TIAM2: variants seen among roughly 807,000 people sequenced by gnomAD.
TIAM2 encodes the protein rho guanine nucleotide exchange factor TIAM2.
A neutral mutation model predicts 152.9 loss-of-function variants in TIAM2; 80 were observed. The ratio of observed to expected loss-of-function variants is 0.52; its 90% CI spans 0.44 to 0.63. TIAM2 has a LOEUF of 0.63. TIAM2 is among the 30% of genes least tolerant of loss of function. The pLI is 0.00. For missense variants in TIAM2, 1,965 were observed against 2,120.1 expected (o/e 0.93, Z 1.44); for synonymous variants, 804 against 838.0 (o/e 0.96, Z 0.70).
At chr6:155,241,202 T>C (rs572746677) in intron 16 of TIAM2, among the ~76,000 whole-genome samples, 41 of 152,322 alleles carry the variant, frequency 2.7e-4, no homozygotes, top group South Asian at 1.2e-3. Flanking sequence ...CTTGCACCAT[T>C]ATGAAGGGGC....
chr6:155,017,784 T>C (rs1778621931), intron 1 of TIAM2, among the ~76,000 whole-genome samples: 2 of 152,058 alleles, frequency 1.3e-5, no homozygotes, highest in Admixed American at 1.3e-4. Flanking sequence ...ATTACAGGTG[T>C]GAGCCACCAC....
At chr6:155,140,332 G>A (rs1159250650) in intron 5 of TIAM2, among the ~76,000 whole-genome samples, 1 of 152,122 alleles carries the variant, frequency 6.6e-6, no homozygotes, top group East Asian at 1.9e-4. Context: ...GACTGTTTGT[G>A]AATCATAGTC....
chr6:155,044,347 C>T (rs1393937859), intron 1 of TIAM2, among the ~76,000 whole-genome samples: 4 of 152,214 alleles, frequency 2.6e-5, no homozygotes, highest in African/African-American at 7.2e-5. Context: ...TAGGACCATA[C>T]TGCAGAGTCC....
chr6:155,184,082 G>A (rs778306895), intron 14 of TIAM2, among the ~76,000 whole-genome samples: 5 of 151,946 alleles, frequency 3.3e-5, no homozygotes, highest in African/African-American at 4.8e-5. Context: ...TCTGTCTCCC[G>A]GGTTCAAGAG....
chr6:155,168,976 T>G (rs951441182), intron 9 of TIAM2: 6 of 1,404,416 alleles, frequency 4.3e-6, no homozygotes, highest in Middle Eastern at 1.8e-4. Context: ...AATGCTAACT[T>G]TTTCTGTTTT....
chr6:155,168,818 T>C (rs976073004), intron 9 of TIAM2: 1 of 1,525,070 alleles, frequency 6.6e-7, no homozygotes, highest in Non-Finnish European at 8.8e-7. Context: ...GCCATTTCAT[T>C]AGTCTTTTTC....
chr6:155,211,215 G>T lies in TIAM2; in HGVS notation c.3076G>T (p.Val1026Phe), dbSNP rs1291597125. Residue 1026 changes from valine (V) to phenylalanine (F), a missense_variant, in exon 15 of 27, where the codon GTC (valine) becomes TTC (phenylalanine). This residue lies in a region of TIAM2 where 935 missense variants were observed against 980.0 expected (regional missense o/e 0.95). Coordinates refer to ENST00000682666, the MANE Select transcript of TIAM2 (RefSeq NM_012454.4). ...KKNTANDFSN[V>F]PDITTGLKRS... ...CATTTTTTATGCAGATTTCAGCAAC[G>T]TCCCTGATATCACAACAGGTCTGAA... is the stretch of plus-strand genomic sequence containing the variant. 4 of 1,613,066 alleles carry T rather than the reference G, an allele frequency of 2.5e-6. No individual in the cohort carries two copies. Among genetic ancestry groups the T allele is most frequent in the Non-Finnish European group, 3.4e-6 (4 of 1,179,266 alleles).
At chr6:155,219,058 C>T (rs910213604) in intron 15 of TIAM2, among the ~76,000 whole-genome samples, 5 of 151,556 alleles carry the variant, frequency 3.3e-5, no homozygotes, top group Non-Finnish European at 5.9e-5. Flanking sequence ...GCCGCCCACC[C>T]GTGTTCTTGA....
Position 155,029,438 on chromosome 6 carries a change from T to TTATATATAGTATATATAATA in TIAM2, c.-209+33950_-209+33951insTATAGTATATATAATATATA, listed in dbSNP as rs1562295102. On this transcript the variant is annotated intron_variant, in intron 1 of 26. Transcript: ENST00000682666. ...TATACTATATATACTATAGTATATA[T>TTATATATAGTATATATAATA]TATACTATAGTATATATTATATATA... is the stretch of plus-strand genomic sequence containing the variant. 6.2e-5 allele frequency among the ~76,000 whole-genome samples: 2 copies of TTATATATAGTATATATAATA among 32,154 alleles called. 1 individual carries two copies. Among genetic ancestry groups the TTATATATAGTATATATAATA allele is most frequent in the South Asian group, 2.2e-3 (2 of 910 alleles). 21.1% of individuals were successfully genotyped at this position (32,154 alleles called of 152,430 possible).
In TIAM2 at chr6:155,148,246, T is replaced by C. The variant is rs756210590; in HGVS notation, c.1940T>C (p.Ile647Thr). ...KNQTKNLLQKIDMDSKMKKMA... is the reference protein window; with the variant it reads ...KNQTKNLLQKTDMDSKMKKMA... ...CAGACCAAAAACCTGCTTCAGAAGA[T>C]AGACATGGACAGCAAGATGAAGAAG... is the stretch of plus-strand genomic sequence containing the variant. Residue 647 changes from isoleucine (I) to threonine (T), a missense_variant, in exon 7 of 27, where the codon ATA becomes ACA. Physicochemically the swap from Ile to Thr is moderately conservative, Grantham distance 89. This residue lies in a region of TIAM2 where 1,025 missense variants were observed against 1,119.4 expected (regional missense o/e 0.92). Coordinates refer to ENST00000682666, the MANE Select transcript of TIAM2 (RefSeq NM_012454.4). 5.6e-6 allele frequency: 9 copies of C among 1,612,724 alleles called. No homozygotes were observed. The highest frequency in any genetic ancestry group is 1.3e-5 in the African/African-American group (1 of 74,892).
rs543640171 is a variant in TIAM2, at chr6:155,177,326, G to A, written c.2523+349G>A. Among the ~76,000 whole-genome samples, 6 of 152,322 alleles carry A rather than the reference G, an allele frequency of 3.9e-5. No homozygotes were observed. In the South Asian group the frequency reaches 1.2e-3, roughly 32 times the overall value. ...GTTATAAGAAGGCGGCATAAACTTT[G>A]AGGTAATTTAATTTAATCCTAAATA... On this transcript the variant is annotated intron_variant, in intron 10 of 26. Transcript: ENST00000682666.
At chr6:155,065,116 G>A (rs1335957673) in intron 1 of TIAM2, among the ~76,000 whole-genome samples, 1 of 152,016 alleles carries the variant, frequency 6.6e-6, no homozygotes, top group Non-Finnish European at 1.5e-5. Context: ...ACCACGCCCG[G>A]CTGATTTTTG....
At chr6:155,175,277 A>G (rs1004466570) in intron 9 of TIAM2, among the ~76,000 whole-genome samples, 1 of 152,238 alleles carries the variant, frequency 6.6e-6, no homozygotes, top group Admixed American at 6.5e-5. Context: ...TGGCACAGAG[A>G]GACAGATTTT....
intron 2 of TIAM2, among the ~76,000 whole-genome samples, chr6:155,118,665 C>T (rs1319135099): frequency 6.6e-6 from 1 of 151,992 alleles, no homozygotes; most frequent in Non-Finnish European, 1.5e-5. Context: ...AAACTCCTGA[C>T]CTCAGGTGAT....
At chr6:155,089,724 ACT>A (rs1778257322) in intron 1 of TIAM2, among the ~76,000 whole-genome samples, 1 of 152,082 alleles carries the variant, frequency 6.6e-6, no homozygotes, top group Admixed American at 6.6e-5. Context: ...GCCACTTGTC[ACT>A]CACTGTCTCA....
intron 15 of TIAM2, among the ~76,000 whole-genome samples, chr6:155,234,979 GAGCTAGAGACGGAGCAC>G (rs1479428820): frequency 3.3e-5 from 5 of 152,136 alleles, no homozygotes; most frequent in Admixed American, 2.0e-4. Context: ...GAGGGGAACA[GAGCTAGAGACGGAGCAC>G]AGCTAGAGAT....
At chr6:155,137,062 T>C (rs888985756) in intron 4 of TIAM2, 115 bp from the exon 5 acceptor site, 1 of 1,116,368 alleles carries the variant, frequency 9.0e-7, no homozygotes, top group African/African-American at 1.6e-5. Flanking sequence ...GTTACAAGAA[T>C]CTTGCTTTGC....
Position 155,218,531 on chromosome 6 carries a change from CA to C in TIAM2, c.3168+7225del, listed in dbSNP as rs2115233701. On this transcript the variant is annotated intron_variant, in intron 15 of 26. Transcript: ENST00000682666. This position sits in a 1 kb window ranked among gnomAD's most constrained non-coding sequence, Gnocchi z 4.5. ...CTGTGTGTCCTCCTCTATGAATAAA[CA>C]TAACACCACCACCAACCCAGTGTTG... 6.6e-6 allele frequency among the ~76,000 whole-genome samples: 1 copy of C among 152,308 alleles called. No individual in the cohort carries two copies. Among genetic ancestry groups the C allele is most frequent in the East Asian group, 1.9e-4 (1 of 5,188 alleles).
intron 1 of TIAM2, among the ~76,000 whole-genome samples, chr6:155,086,047 A>G (rs1261216468): frequency 3.3e-5 from 5 of 152,320 alleles, no homozygotes; most frequent in African/African-American, 1.2e-4. Context: ...TTTCCCTGGC[A>G]GCGAAGCCCA....
Sources: gnomAD v4.1 joint callset for allele counts (sites outside exome capture counted in the v4.1 genomes callset) on GRCh38, gnomAD v4.1.1 for gene constraint, gnomAD v4.1.1 regional missense constraint, Gnocchi (gnomAD v3.1) non-coding constraint, MANE v1.5 for transcripts, NCBI Gene and HGNC (gene_info 2026-07-23, HGNC 2026-07-21) for gene names.